SV2C: variants seen among roughly 807,000 people sequenced by gnomAD.
SV2C encodes the protein synaptic vesicle glycoprotein 2C, also known as solute carrier family 22 member B3.
SV2C carries 49 observed loss-of-function variants against 79.7 expected under a neutral mutation model. That is an observed-to-expected ratio of 0.61 (90% CI 0.49 to 0.78). The LOEUF (loss-of-function observed/expected upper bound fraction) is 0.78. Ranked by LOEUF, SV2C falls within the 30% of genes least tolerant of loss-of-function variation. The pLI is 0.00. For synonymous variants in SV2C, 334 were observed against 333.2 expected (o/e 1.00, Z -0.03); for missense variants, 833 against 912.9 (o/e 0.91, Z 1.13).
the SV2C span, among the ~76,000 whole-genome samples, chr5:75,961,549 T>A: frequency 6.6e-6 from 1 of 151,952 alleles, no homozygotes; most frequent in Non-Finnish European, 1.5e-5. Context: ...ATTACATTAT[T>A]CAAAATTATA....
chr5:76,104,113 C>T (rs1234572240), intron 1 of SV2C, among the ~76,000 whole-genome samples: 1 of 152,200 alleles, frequency 6.6e-6, no homozygotes, highest in Non-Finnish European at 1.5e-5. Context: ...GAATAAAAGT[C>T]AGCAGAGAGG....
At chr5:75,900,639 G>C in the SV2C span, among the ~76,000 whole-genome samples, 1 of 152,100 alleles carries the variant, frequency 6.6e-6, no homozygotes, top group Non-Finnish European at 1.5e-5. Context: ...AGTTCTCCTG[G>C]ATAATATCCT....
chr5:76,209,665 G>C (rs910226747), intron 3 of SV2C, 71 bp from the exon 4 acceptor site: 1 of 1,480,634 alleles, frequency 6.8e-7, no homozygotes, highest in Non-Finnish European at 9.1e-7. Context: ...AGTTTGCTTT[G>C]GCTCTGCCCT....
the SV2C span, among the ~76,000 whole-genome samples, chr5:75,896,838 A>G: frequency 4.7e-5 from 7 of 148,184 alleles, 1 homozygote; most frequent in Non-Finnish European, 1.0e-4. Flanking sequence ...GCATTTTTTC[A>G]TGTGTTTTTT....
At chr5:76,087,217 A>G (rs1747226758) in intron 1 of SV2C, among the ~76,000 whole-genome samples, 1 of 152,222 alleles carries the variant, frequency 6.6e-6, no homozygotes, top group African/African-American at 2.4e-5. Flanking sequence ...TCAAATTTGA[A>G]AAATAATTCC....
intron 4 of SV2C, among the ~76,000 whole-genome samples, chr5:76,255,832 C>G (rs1482001367): frequency 6.6e-6 from 1 of 152,158 alleles, no homozygotes; most frequent in Non-Finnish European, 1.5e-5. Flanking sequence ...CCACCTCCCA[C>G]CAAATGCCCA....
the SV2C span, among the ~76,000 whole-genome samples, chr5:75,999,672 A>T: frequency 6.8e-6 from 1 of 147,504 alleles, no homozygotes; most frequent in Non-Finnish European, 1.5e-5. Context: ...TTTTCTACCC[A>T]GGCCTGTCTT....
intron 10 of SV2C, 65 bp from the exon 11 acceptor site, chr5:76,300,664 G>GAGGTGCATGC (rs1747958536): frequency 5.3e-6 from 8 of 1,523,162 alleles, no homozygotes; most frequent in Non-Finnish European, 7.3e-6. Flanking sequence ...TCCTCCATAG[G>GAGGTGCATGC]CTTTCTTATA....
the SV2C span, among the ~76,000 whole-genome samples, chr5:75,874,496 A>C: frequency 3.9e-5 from 6 of 152,198 alleles, no homozygotes; most frequent in African/African-American, 1.2e-4. Flanking sequence ...AGAATGGCAC[A>C]AGGCTAGGAT....
intron 1 of SV2C, among the ~76,000 whole-genome samples, chr5:76,112,509 A>T (rs1428983325): frequency 2.0e-5 from 3 of 151,992 alleles, no homozygotes; most frequent in African/African-American, 7.3e-5. Flanking sequence ...GGGGGGGAGG[A>T]CCCTGAAGGT....
chr5:76,089,944 G>A (rs551036050), intron 1 of SV2C, among the ~76,000 whole-genome samples: 18 of 152,208 alleles, frequency 1.2e-4, no homozygotes, highest in Admixed American at 2.6e-4. Flanking sequence ...CATAGGCACT[G>A]TACTTTAAAA....
At chr5:75,959,477 G>C in the SV2C span, among the ~76,000 whole-genome samples, 3 of 151,928 alleles carry the variant, frequency 2.0e-5, no homozygotes, top group Non-Finnish European at 2.9e-5. Flanking sequence ...AATCTTTGGA[G>C]TAGTGGACAT....
At chr5:75,981,909 ACTAT>A in the SV2C span, among the ~76,000 whole-genome samples, 1 of 152,196 alleles carries the variant, frequency 6.6e-6, no homozygotes, top group Non-Finnish European at 1.5e-5. Flanking sequence ...AGCAAAAGAA[ACTAT>A]CAAGAGAGGA....
At chr5:76,111,287 T>C (rs1748089950) in intron 1 of SV2C, among the ~76,000 whole-genome samples, 1 of 152,190 alleles carries the variant, frequency 6.6e-6, no homozygotes, top group African/African-American at 2.4e-5. Context: ...TATAAGTTTC[T>C]TCACTAACTC....
chr5:75,979,524 C>T, the SV2C span, among the ~76,000 whole-genome samples: 52 of 149,826 alleles, frequency 3.5e-4, no homozygotes, highest in African/African-American at 1.0e-3. Context: ...TCATAGCAAA[C>T]GGCCTCTGGG....
chr5:76,348,242 T>C (rs146765443), intron 12 of SV2C, among the ~76,000 whole-genome samples: 1 of 152,202 alleles, frequency 6.6e-6, no homozygotes, highest in African/African-American at 2.4e-5. Context: ...TGCATATTAC[T>C]CCATGTATAT....
chr5:75,902,524 T>G, the SV2C span, among the ~76,000 whole-genome samples: 20 of 152,228 alleles, frequency 1.3e-4, no homozygotes, highest in Non-Finnish European at 2.6e-4. Context: ...TGGCCATTTG[T>G]TGTAGTTACT....
At chr5:75,924,849 G>A in the SV2C span, among the ~76,000 whole-genome samples, 183 of 152,020 alleles carry the variant, frequency 1.2e-3, 2 homozygotes, top group African/African-American at 4.0e-3. Flanking sequence ...TCTAGGAATG[G>A]GGGAGACCTT....
At chr5:76,274,842 A>G (rs1451578333) in intron 4 of SV2C, among the ~76,000 whole-genome samples, 1 of 152,204 alleles carries the variant, frequency 6.6e-6, no homozygotes. Flanking sequence ...CATGCAGATT[A>G]CATAGTATTT....
Sources: allele counts gnomAD v4.1 joint callset (sites outside exome capture counted in the v4.1 genomes callset), GRCh38; gene constraint gnomAD v4.1.1; transcripts MANE v1.5; gene names NCBI Gene and HGNC (gene_info 2026-07-23, HGNC 2026-07-21).